USP7: variants seen among roughly 807,000 people sequenced by gnomAD.
USP7 encodes ubiquitin C-terminal hydrolase 7.
A neutral mutation model predicts 162.9 loss-of-function variants in USP7; 9 were observed. That is an observed-to-expected ratio of 0.06 (90% CI 0.03 to 0.10). The LOEUF is 0.10. Ranked by LOEUF, USP7 falls within the 10% of genes least tolerant of loss-of-function variation. USP7 has a pLI of 1.00. For missense variants in USP7, 715 were observed against 1,373.7 expected (o/e 0.52, Z 7.58); for synonymous variants, 562 against 475.9 (o/e 1.18, Z -2.35).
intron 1 of USP7, chr16:8,962,543 GC>G: frequency 2.3e-6 from 1 of 438,668 alleles, no homozygotes; most frequent in Non-Finnish European, 4.6e-6. Flanking sequence ...GGTTGCAAGC[GC>G]ACACCTGGCC....
chr16:8,915,119 G>C, intron 10 of USP7, 135 bp downstream of exon 10: 1 of 823,574 alleles, frequency 1.2e-6, no homozygotes, highest in Non-Finnish European at 1.8e-6. Context: ...TGTTCACCCA[G>C]TGAGCTGTTT....
chr16:8,928,213 G>C (rs1160345471), intron 2 of USP7, among the ~76,000 whole-genome samples: 4 of 152,140 alleles, frequency 2.6e-5, no homozygotes, highest in Non-Finnish European at 5.9e-5. Flanking sequence ...TTACTAAGAA[G>C]TCTTCTGTGC....
intron 1 of USP7, among the ~76,000 whole-genome samples, chr16:8,947,680 T>C (rs1214806831): frequency 3.3e-5 from 5 of 152,226 alleles, no homozygotes; most frequent in African/African-American, 1.2e-4. Context: ...AATTTCTATA[T>C]GGTAAATAAC....
chr16:8,963,112 T>A lies in USP7; in HGVS notation c.79+95A>T, dbSNP rs1900087979. The A allele has an allele frequency of 1.7e-5, 20 of 1,161,420 alleles. No individual in the cohort carries two copies. The South Asian group carries it at 3.9e-4, about 23-fold the overall frequency. The allele number at this position is 1,161,420 out of a possible 1,614,324, so 71.9% of individuals were successfully genotyped here. On this transcript the variant is annotated intron_variant, in intron 1 of 30. Coordinates refer to ENST00000344836, the MANE Select transcript of USP7 (RefSeq NM_003470.3). ...GCCCGGCGGCCGCCCGGGGCCTGGT[T>A]AAAGATGGCGAGCCCCTCGCGTGGC...
In USP7 at chr16:8,963,226, G is replaced by C. The variant is rs374020920; in HGVS notation, c.60C>G (p.Pro20=). ...CCTCACCTTCCATCTCCATGTCCTC[G>C]GGCTCGCTCAACTGCTGCTCGCCCG... ...QKAGEQQLSE[P]EDMEMEAGDT... is the part of the protein sequence containing the mutation. The change falls in exon 1 of 31, where the codon CCC becomes CCG. Residue 20 remains proline (P), a synonymous_variant. Coordinates refer to ENST00000344836, the MANE Select transcript of USP7 (RefSeq NM_003470.3). The C allele has an allele frequency of 7.1e-6, 10 of 1,409,224 alleles. No individual in the cohort carries two copies. Among genetic ancestry groups the C allele is most frequent in the South Asian group, 5.3e-5 (4 of 75,922 alleles). The allele number at this position is 1,409,224 out of a possible 1,614,324, so 87.3% of individuals were successfully genotyped here.
chr16:8,916,985 A>AAG (rs1555465212), intron 7 of USP7, 41 bp downstream of exon 7: 37 of 1,514,376 alleles, frequency 2.4e-5, no homozygotes, highest in Middle Eastern at 1.8e-4. Flanking sequence ...AAAAAAAAAA[A>AAG]AGAGGAAGCA....
Position 8,934,987 on chromosome 16 carries a change from G to A in USP7, c.80-4590C>T, listed in dbSNP as rs536058033. 2.0e-5 allele frequency among the ~76,000 whole-genome samples: 3 copies of A among 152,346 alleles called. No homozygotes were observed. In the East Asian group the frequency reaches 5.8e-4, roughly 29 times the overall value. On this transcript the variant is annotated intron_variant, in intron 1 of 30. Coordinates refer to ENST00000344836, the MANE Select transcript of USP7 (RefSeq NM_003470.3). ...AAGTAAATGATGAAAGCACAGGATAGCCACACACACAAGAAATCTGTACTA... is the reference window on the plus strand; with the variant it reads ...AAGTAAATGATGAAAGCACAGGATAACCACACACACAAGAAATCTGTACTA...
intron 15 of USP7, 128 bp from the exon 16 acceptor site, chr16:8,903,530 C>A: frequency 8.3e-7 from 1 of 1,203,728 alleles, no homozygotes; most frequent in African/African-American, 1.5e-5. Context: ...TTCAGAAGAC[C>A]AATGAAGAAA....
At chr16:8,944,035 AC>A (rs1899170917) in intron 1 of USP7, among the ~76,000 whole-genome samples, 2 of 151,930 alleles carry the variant, frequency 1.3e-5, no homozygotes, top group African/African-American at 4.8e-5. Flanking sequence ...ACATAGGGAG[AC>A]CCCCGTCTCT....
intron 6 of USP7, 43 bp from the exon 7 acceptor site, chr16:8,917,199 C>A: frequency 1.9e-6 from 3 of 1,556,554 alleles, no homozygotes; most frequent in Admixed American, 2.1e-5. Flanking sequence ...TGAGAAGATG[C>A]AGGGGAATTT....
chr16:8,920,236 G>A (rs1395826259), intron 5 of USP7, 123 bp downstream of exon 5: 3 of 811,016 alleles, frequency 3.7e-6, no homozygotes, highest in Non-Finnish European at 6.0e-6. Flanking sequence ...GTGTGCCACA[G>A]GGCAAGCGCA....
intron 10 of USP7, 86 bp from the exon 11 acceptor site, chr16:8,910,913 A>C (rs1008892731): frequency 1.8e-6 from 2 of 1,130,070 alleles, no homozygotes; most frequent in African/African-American, 3.1e-5. Context: ...AAATCAGCAT[A>C]TTTAGGATTA....
At chr16:8,936,093 A>C (rs775260801) in intron 1 of USP7, among the ~76,000 whole-genome samples, 1 of 152,152 alleles carries the variant, frequency 6.6e-6, no homozygotes, top group Non-Finnish European at 1.5e-5. Context: ...TGGTGTGTTG[A>C]AACTAAGAGT....
intron 1 of USP7, among the ~76,000 whole-genome samples, chr16:8,943,711 T>C (rs781414004): frequency 6.6e-6 from 1 of 152,230 alleles, no homozygotes; most frequent in Non-Finnish European, 1.5e-5. Context: ...GAGTCAACTG[T>C]CCTTCCCAAA....
At chr16:8,943,086 G>A (rs1899122382) in intron 1 of USP7, among the ~76,000 whole-genome samples, 2 of 152,100 alleles carry the variant, frequency 1.3e-5, no homozygotes, top group Non-Finnish European at 2.9e-5. Context: ...TAATCCTGAT[G>A]TAAATTAGCT....
intron 23 of USP7, 68 bp from the exon 24 acceptor site, chr16:8,898,707 A>ATAC: frequency 7.6e-7 from 1 of 1,313,012 alleles, no homozygotes; most frequent in South Asian, 1.4e-5. Context: ...TCTGTGAGTG[A>ATAC]GCATAAAAGC....
intron 10 of USP7, among the ~76,000 whole-genome samples, chr16:8,911,406 T>A (rs2061944240): frequency 6.6e-6 from 1 of 152,152 alleles, no homozygotes; most frequent in African/African-American, 2.4e-5. Context: ...AATGGTAACA[T>A]TAAGAGTGAA....
At chr16:8,894,411 T>A in intron 30 of USP7, 139 bp downstream of exon 30, 1 of 750,304 alleles carries the variant, frequency 1.3e-6, no homozygotes, top group Non-Finnish European at 2.2e-6. Context: ...TATGGAATGC[T>A]ATTGCTCCTG....
At chr16:8,926,432 T>TTG (rs1897999024) in intron 2 of USP7, among the ~76,000 whole-genome samples, 1 of 152,014 alleles carries the variant, frequency 6.6e-6, no homozygotes, top group African/African-American at 2.4e-5. Flanking sequence ...TGAGCTGAGA[T>TTG]CATGGCATTG....
Sources: gnomAD v4.1 joint callset for allele counts (sites outside exome capture counted in the v4.1 genomes callset) on GRCh38, gnomAD v4.1.1 for gene constraint, MANE v1.5 for transcripts, NCBI Gene and HGNC (gene_info 2026-07-23, HGNC 2026-07-21) for gene names.